Variants in MTMR2 observed in about 807,000 individuals in gnomAD.
The protein encoded by MTMR2 is myotubularin related protein 2.
A neutral mutation model predicts 86.9 loss-of-function variants in MTMR2; 55 were observed. The ratio of observed to expected loss-of-function variants is 0.63; its 90% CI spans 0.51 to 0.79. The LOEUF is 0.79. Ranked by LOEUF, MTMR2 falls within the 30% of genes least tolerant of loss-of-function variation. The pLI is 0.00. For missense variants in MTMR2, 659 were observed against 772.3 expected, an observed-to-expected ratio of 0.85 and a Z score of 1.74; for synonymous variants, 241 against 266.8, an observed-to-expected ratio of 0.90 and a Z score of 0.94.
intron 2 of MTMR2, among the ~76,000 whole-genome samples, chr11:95,881,008 A>G (rs1865302624): frequency 6.6e-6 from 1 of 152,040 alleles, no homozygotes; most frequent in Non-Finnish European, 1.5e-5. Context: ...ATTCTTCCTG[A>G]TATCGTAAGT....
At chr11:95,876,327 T>C (rs912774038) in intron 2 of MTMR2, among the ~76,000 whole-genome samples, 1 of 152,180 alleles carries the variant, frequency 6.6e-6, no homozygotes, top group Non-Finnish European at 1.5e-5. Context: ...TCCATTAGGT[T>C]TTTCTGCCTT....
intron 1 of MTMR2, among the ~76,000 whole-genome samples, chr11:95,909,941 G>A (rs111593476): frequency 0.031 from 4,737 of 152,000 alleles, 133 homozygotes; most frequent in South Asian, 0.073. Flanking sequence ...AAAGCACTAG[G>A]CCCTAAAAGT....
At chr11:95,868,379 GAAAT>G (rs1279922919) in intron 2 of MTMR2, among the ~76,000 whole-genome samples, 1 of 149,470 alleles carries the variant, frequency 6.7e-6, no homozygotes, top group Non-Finnish European at 1.5e-5. Flanking sequence ...TGAAACAAGA[GAAAT>G]GAATGAGAAT....
chr11:95,859,835 T>A (rs1488659888), intron 5 of MTMR2, among the ~76,000 whole-genome samples: 1 of 152,206 alleles, frequency 6.6e-6, no homozygotes, highest in Non-Finnish European at 1.5e-5. Context: ...TAAGACAGTA[T>A]ATGATCCAAA....
intron 2 of MTMR2, among the ~76,000 whole-genome samples, chr11:95,877,515 G>A (rs1273209439): frequency 1.3e-5 from 2 of 151,938 alleles, no homozygotes; most frequent in Non-Finnish European, 1.5e-5. Flanking sequence ...TCATGCTATG[G>A]GTTGAACTGT....
intron 1 of MTMR2, among the ~76,000 whole-genome samples, chr11:95,901,273 A>C (rs1866064612): frequency 1.3e-5 from 2 of 152,060 alleles, no homozygotes; most frequent in Non-Finnish European, 2.9e-5. Flanking sequence ...ATCTGGCCCC[A>C]CACTCTCTCT....
chr11:95,894,685 G>A (rs1319125055), intron 1 of MTMR2, among the ~76,000 whole-genome samples: 1 of 152,074 alleles, frequency 6.6e-6, no homozygotes, highest in Non-Finnish European at 1.5e-5. Context: ...GAAGATTAAA[G>A]TTTTCAAAAG....
intron 6 of MTMR2, among the ~76,000 whole-genome samples, chr11:95,858,262 C>T (rs1864281732): frequency 6.6e-6 from 1 of 152,092 alleles, no homozygotes; most frequent in South Asian, 2.1e-4. Flanking sequence ...CAACAGGTAA[C>T]TTTTCATCAT....
intron 8 of MTMR2, 130 bp from the exon 9 acceptor site, chr11:95,849,992 G>T: frequency 1.2e-6 from 1 of 867,428 alleles, no homozygotes. Flanking sequence ...ATCTGAGGCT[G>T]CTAAGAAAAA....
intron 1 of MTMR2, among the ~76,000 whole-genome samples, chr11:95,894,682 A>T (rs1361790056): frequency 6.6e-6 from 1 of 152,190 alleles, no homozygotes; most frequent in Non-Finnish European, 1.5e-5. Flanking sequence ...ATAGAAGATT[A>T]AAGTTTTCAA....
intron 2 of MTMR2, among the ~76,000 whole-genome samples, chr11:95,876,868 ACT>A (rs1343122840): frequency 3.3e-5 from 5 of 151,960 alleles, no homozygotes; most frequent in Non-Finnish European, 7.4e-5. Context: ...ACAAAAATGC[ACT>A]CTCTCACACA....
intron 2 of MTMR2, among the ~76,000 whole-genome samples, chr11:95,870,337 A>G (rs2135497792): frequency 6.6e-6 from 1 of 152,238 alleles, no homozygotes; most frequent in East Asian, 1.9e-4. Flanking sequence ...AAACTTGACC[A>G]GTCATGTAAA....
Position 95,851,087 on chromosome 11 carries a change from G to T in MTMR2, c.655-338C>A, listed in dbSNP as rs566199370. On this transcript the variant is annotated intron_variant, in intron 7 of 14. Coordinates refer to ENST00000346299, the MANE Select transcript of MTMR2 (RefSeq NM_016156.6). ...TTTTTTTTTTTTTTTTTTTGAGACAGAGTCTCACTCTGTCGCCCAGGCTGG... is the reference window on the plus strand; with the variant it reads ...TTTTTTTTTTTTTTTTTTTGAGACATAGTCTCACTCTGTCGCCCAGGCTGG... Among the ~76,000 whole-genome samples the T allele has an allele frequency of 1.2e-4, 13 of 111,876 alleles. 1 individual carries two copies. In the South Asian group the frequency reaches 3.7e-3, roughly 32 times the overall value. The allele number at this position is 111,876 out of a possible 152,430, so 73.4% of individuals were successfully genotyped here.
chr11:95,891,019 T>C (rs1000262258), intron 1 of MTMR2, among the ~76,000 whole-genome samples: 5 of 152,258 alleles, frequency 3.3e-5, no homozygotes, highest in Admixed American at 6.5e-5. Context: ...TTCAAATGTA[T>C]AATGCTATTT....
intron 12 of MTMR2, among the ~76,000 whole-genome samples, chr11:95,840,667 T>C (rs2135414444): frequency 6.6e-6 from 1 of 152,296 alleles, no homozygotes; most frequent in East Asian, 1.9e-4. Context: ...GTAGAAATGC[T>C]TATGGAGGCA....
intron 7 of MTMR2, among the ~76,000 whole-genome samples, chr11:95,855,574 T>C (rs1367306289): frequency 6.6e-6 from 1 of 152,168 alleles, no homozygotes; most frequent in African/African-American, 2.4e-5. Flanking sequence ...TGAAGAGATA[T>C]AGTCTAATTT....
chr11:95,916,503 G>A (rs1442802993), intron 1 of MTMR2, among the ~76,000 whole-genome samples: 1 of 151,988 alleles, frequency 6.6e-6, no homozygotes, highest in Non-Finnish European at 1.5e-5. Flanking sequence ...TGGAATGTAA[G>A]ACAATCTGGG....
At chr11:95,883,075 T>A (rs1212426240) in intron 2 of MTMR2, among the ~76,000 whole-genome samples, 1 of 151,974 alleles carries the variant, frequency 6.6e-6, no homozygotes, top group East Asian at 1.9e-4. Flanking sequence ...AATATTTAAT[T>A]CTGAATTGTT....
chr11:95,917,007 T>A (rs1320124497), intron 1 of MTMR2, among the ~76,000 whole-genome samples: 1 of 152,200 alleles, frequency 6.6e-6, no homozygotes, highest in Admixed American at 6.5e-5. Context: ...ACTGAAGTTA[T>A]TATTTTCAAG....
Sources: gnomAD v4.1 joint callset for allele counts (sites outside exome capture counted in the v4.1 genomes callset) on GRCh38, gnomAD v4.1.1 for gene constraint, MANE v1.5 for transcripts, NCBI Gene and HGNC (gene_info 2026-07-23, HGNC 2026-07-21) for gene names.